ASTN2: variants seen among roughly 807,000 people sequenced by gnomAD.
The protein encoded by ASTN2 is astrotactin-2.
ASTN2 carries 54 observed loss-of-function variants against 139.8 expected under a neutral mutation model. That is an observed-to-expected ratio of 0.39 (90% CI 0.31 to 0.48). ASTN2 has a LOEUF of 0.48. Ranked by LOEUF, ASTN2 falls within the 20% of genes least tolerant of loss-of-function variation. ASTN2 has a pLI of 0.95. For synonymous variants in ASTN2, 756 were observed against 719.5 expected, an observed-to-expected ratio of 1.05 and a Z score of -0.81; for missense variants, 1,565 against 1,725.1, an observed-to-expected ratio of 0.91 and a Z score of 1.64.
Position 116,733,407 on chromosome 9 carries a change from A to T in ASTN2, c.2513T>A (p.Leu838Gln), listed in dbSNP as rs775295203. 1 of 1,614,106 alleles carries T rather than the reference A, an allele frequency of 6.2e-7. No homozygotes were observed. The highest frequency in any genetic ancestry group is 8.5e-7 in the Non-Finnish European group (1 of 1,179,994). ...VLSEPLPDLQ[L>Q]LTGDIRYDEA... ...TGGCACATGTGTCTTACCAGTGAGC[A>T]GTTGGAGGTCTGGAAGGGGCTCGGA... The change falls in exon 14 of 23, where the codon CTG (leucine) becomes CAG (glutamine). Residue 838 changes from leucine to glutamine, a missense_variant. This residue lies in a region of ASTN2 where 503 missense variants were observed against 591.7 expected (regional missense o/e 0.85). Transcript: ENST00000313400.
intron 13 of ASTN2, among the ~76,000 whole-genome samples, chr9:116,766,482 C>T (rs1221050425): frequency 6.6e-6 from 1 of 151,708 alleles, no homozygotes; most frequent in African/African-American, 2.4e-5. Context: ...TCACATCACA[C>T]ACACAAGCAC....
chr9:117,052,106 T>C lies in ASTN2; in HGVS notation c.1277-12141A>G, dbSNP rs149369262. On this transcript the variant is annotated intron_variant, in intron 5 of 22. Coordinates refer to ENST00000313400, the MANE Select transcript of ASTN2 (RefSeq NM_001365068.1). ...TTCAGTAAGTCCCATTTTCTTCATC[T>C]GTAAAATGGGAATAACATCTACTCC... 7.8e-3 allele frequency among the ~76,000 whole-genome samples: 1,194 copies of C among 152,230 alleles called. 13 individuals are homozygous for C. Among genetic ancestry groups the C allele is most frequent in the African/African-American group, 0.027 (1,107 of 41,544 alleles).
chr9:116,683,548 C>T (rs1459401624), intron 16 of ASTN2, among the ~76,000 whole-genome samples: 2 of 152,206 alleles, frequency 1.3e-5, no homozygotes, highest in South Asian at 2.1e-4. Flanking sequence ...TCTCAGATAA[C>T]TTTAAAAATT....
chr9:116,593,630 A>C (rs555983184), intron 19 of ASTN2, among the ~76,000 whole-genome samples: 3 of 152,320 alleles, frequency 2.0e-5, no homozygotes, highest in African/African-American at 7.2e-5. Context: ...TTCTAATCAC[A>C]ACTTAGCCCC....
intron 1 of ASTN2, among the ~76,000 whole-genome samples, chr9:117,360,289 C>A (rs991249062): frequency 2.0e-5 from 3 of 151,984 alleles, no homozygotes; most frequent in African/African-American, 7.3e-5. Flanking sequence ...GTAATACAGG[C>A]AATTAAATAG....
At chr9:116,838,121 G>GTTT (rs1211683284) in intron 11 of ASTN2, among the ~76,000 whole-genome samples, 1 of 137,972 alleles carries the variant, frequency 7.2e-6, no homozygotes, top group Non-Finnish European at 1.6e-5. Flanking sequence ...GTTTTGTTTT[G>GTTT]TTTTTTGAGA....
chr9:117,230,561 G>A (rs1832860206), intron 2 of ASTN2, among the ~76,000 whole-genome samples: 1 of 152,096 alleles, frequency 6.6e-6, no homozygotes, highest in Non-Finnish European at 1.5e-5. Flanking sequence ...ATATTCTGGG[G>A]TTCTGGGTAG....
At chr9:116,531,488 G>C (rs1292372815) in intron 19 of ASTN2, among the ~76,000 whole-genome samples, 1 of 152,014 alleles carries the variant, frequency 6.6e-6, no homozygotes, top group African/African-American at 2.4e-5. Context: ...TTTATATTAG[G>C]TATATCTCCT....
intron 10 of ASTN2, among the ~76,000 whole-genome samples, chr9:116,952,872 A>G (rs1835605230): frequency 6.6e-6 from 1 of 152,154 alleles, no homozygotes; most frequent in Admixed American, 6.5e-5. Context: ...TGACTCTGAA[A>G]ACAAGGGACA....
intron 16 of ASTN2, among the ~76,000 whole-genome samples, chr9:116,694,618 G>A (rs1308693399): frequency 1.0e-4 from 14 of 137,486 alleles, no homozygotes; most frequent in African/African-American, 2.8e-4. Flanking sequence ...CTGCCACCAC[G>A]CCCAGCTAAT....
chr9:116,957,022 A>G (rs899142280), intron 10 of ASTN2, among the ~76,000 whole-genome samples: 4 of 152,042 alleles, frequency 2.6e-5, no homozygotes, highest in African/African-American at 7.2e-5. Flanking sequence ...TACTGATTCA[A>G]TGCAGTCCCT....
At chr9:116,978,635 T>G (rs1400299618) in intron 7 of ASTN2, among the ~76,000 whole-genome samples, 2 of 152,148 alleles carry the variant, frequency 1.3e-5, no homozygotes, top group African/African-American at 4.8e-5. Context: ...TTAGGGACTA[T>G]GCAAATTTTA....
chr9:117,233,457 C>T (rs1027724617), intron 2 of ASTN2, among the ~76,000 whole-genome samples: 1 of 152,118 alleles, frequency 6.6e-6, no homozygotes, highest in Admixed American at 6.5e-5. Flanking sequence ...AAATGATGCA[C>T]ATGAAAAAGC....
chr9:116,661,218 G>GA (rs11449720), intron 16 of ASTN2, among the ~76,000 whole-genome samples: 8,791 of 150,720 alleles, frequency 0.058, 847 homozygotes, highest in African/African-American at 0.2. Context: ...ACAGGAGGCT[G>GA]AAAAAAAAAG....
At chr9:116,456,708 G>C (rs1218050428) in intron 20 of ASTN2, among the ~76,000 whole-genome samples, 1 of 152,150 alleles carries the variant, frequency 6.6e-6, no homozygotes. Flanking sequence ...TCACTATCAT[G>C]AGAACAGCAC....
At chr9:116,525,634 G>A (rs1851058493) in intron 19 of ASTN2, among the ~76,000 whole-genome samples, 1 of 152,180 alleles carries the variant, frequency 6.6e-6, no homozygotes, top group African/African-American at 2.4e-5. Flanking sequence ...TGGGGCAGCA[G>A]GCACAGGAGA....
intron 11 of ASTN2, among the ~76,000 whole-genome samples, chr9:116,860,287 T>C (rs934192791): frequency 1.5e-4 from 23 of 152,142 alleles, no homozygotes; most frequent in African/African-American, 5.3e-4. Context: ...AGAAACGTAA[T>C]AGAACATTAG....
rs988910280 is a variant in ASTN2, at chr9:116,686,622, A to G, written c.2807-34829T>C. Reference sequence around the variant, plus strand: ...CCCAGATTCCCTCAAATCTCAGGCCAGATCACCTCCCACCTGGTAAGATTC... The same window carrying G: ...CCCAGATTCCCTCAAATCTCAGGCCGGATCACCTCCCACCTGGTAAGATTC... On this transcript the variant is annotated intron_variant, in intron 16 of 22. Coordinates refer to ENST00000313400, the MANE Select transcript of ASTN2 (RefSeq NM_001365068.1). 3.5e-6 allele frequency: 5 copies of G among 1,429,938 alleles called. No individual in the cohort carries two copies. The African/African-American group carries it at 7.1e-5, about 20-fold the overall frequency. 88.6% of individuals were successfully genotyped at this position (1,429,938 alleles called of 1,614,324 possible). A position where few individuals can be genotyped will look rare whatever the true frequency, so the allele number is the denominator to read the frequency against.
At chr9:117,377,669 T>G (rs1353334275) in intron 1 of ASTN2, among the ~76,000 whole-genome samples, 1 of 151,188 alleles carries the variant, frequency 6.6e-6, no homozygotes, top group Non-Finnish European at 1.5e-5. Context: ...ATATAATATA[T>G]ACACAAAAAA....
Sources: allele counts gnomAD v4.1 joint callset (sites outside exome capture counted in the v4.1 genomes callset), GRCh38; gene constraint gnomAD v4.1.1; regional missense constraint gnomAD v4.1.1; transcripts MANE v1.5; gene names NCBI Gene and HGNC (gene_info 2026-07-23, HGNC 2026-07-21).